PTPRJ: variants seen among roughly 807,000 people sequenced by gnomAD.
PTPRJ encodes protein tyrosine phosphatase receptor type J.
A neutral mutation model predicts 141.3 loss-of-function variants in PTPRJ; 129 were observed. The observed-to-expected ratio is 0.91, with a 90% CI of 0.79 to 1.06. The LOEUF (loss-of-function observed/expected upper bound fraction) is 1.06, where lower values mean the gene tolerates loss of function less well. PTPRJ is among the 50% of genes least tolerant of loss of function. The pLI, the probability that PTPRJ is intolerant of heterozygous loss-of-function variation, is 0.00. For missense variants in PTPRJ, 1,601 were observed against 1,679.7 expected, an observed-to-expected ratio of 0.95 and a Z score of 0.82; for synonymous variants, 610 against 640.5, an observed-to-expected ratio of 0.95 and a Z score of 0.72.
intron 1 of PTPRJ, among the ~76,000 whole-genome samples, chr11:48,071,865 G>T (rs1246955273): frequency 6.8e-6 from 1 of 146,390 alleles, no homozygotes; most frequent in Non-Finnish European, 1.5e-5. Context: ...GCCTCCCAAA[G>T]TGCTGGGATT....
At chr11:48,066,403 A>T (rs1855082904) in intron 1 of PTPRJ, among the ~76,000 whole-genome samples, 1 of 152,052 alleles carries the variant, frequency 6.6e-6, no homozygotes, top group East Asian at 1.9e-4. Flanking sequence ...ATTGCTCTGC[A>T]GGCAGTGGGC....
At chr11:48,075,962 A>G (rs1855388347) in intron 1 of PTPRJ, among the ~76,000 whole-genome samples, 1 of 152,178 alleles carries the variant, frequency 6.6e-6, no homozygotes, top group Non-Finnish European at 1.5e-5. Context: ...TCCCAGCTAA[A>G]GTCCTGGTCA....
Position 48,163,573 on chromosome 11 carries a change from A to ACATGAAGCAGAGTCCTC in PTPRJ, c.3676_3692dup (p.Glu1232Ter). ...AACTTCCGGTACCTCGTTCGTGACT[A>ACATGAAGCAGAGTCCTC]CATGAAGCAGAGTCCTCCCGAATCG... On this transcript the variant is annotated frameshift_variant, in exon 23 of 25. Transcript: ENST00000418331. LOFTEE classifies it high-confidence loss of function. 6.2e-7 allele frequency: 1 copy of ACATGAAGCAGAGTCCTC among 1,614,036 alleles called. No individual in the cohort carries two copies. Among genetic ancestry groups the ACATGAAGCAGAGTCCTC allele is most frequent in the Non-Finnish European group, 8.5e-7 (1 of 1,179,874 alleles).
At chr11:48,028,620 G>A (rs888411485) in intron 1 of PTPRJ, among the ~76,000 whole-genome samples, 5 of 152,104 alleles carry the variant, frequency 3.3e-5, no homozygotes, top group Admixed American at 6.5e-5. Context: ...GTGAAACCCC[G>A]TCTCTACTAA....
chr11:48,061,069 A>G (rs1399893585), intron 1 of PTPRJ, among the ~76,000 whole-genome samples: 3 of 151,982 alleles, frequency 2.0e-5, no homozygotes, highest in Admixed American at 6.6e-5. Flanking sequence ...GGCGCTATCA[A>G]TCGTTCAAGC....
At chr11:48,068,102 T>TGGAGAGGCAACAGGGCTG (rs1855134145) in intron 1 of PTPRJ, among the ~76,000 whole-genome samples, 1 of 152,228 alleles carries the variant, frequency 6.6e-6, no homozygotes, top group Non-Finnish European at 1.5e-5. Flanking sequence ...ATTCCTCATT[T>TGGAGAGGCAACAGGGCTG]GGAGAGGCAA....
chr11:48,120,625 G>A (rs929464816), intron 3 of PTPRJ, among the ~76,000 whole-genome samples: 2 of 151,856 alleles, frequency 1.3e-5, no homozygotes, highest in Admixed American at 6.6e-5. Flanking sequence ...TTTTAGTAGA[G>A]GTGGGGTTTC....
In PTPRJ at chr11:48,139,670, A is replaced by T; in HGVS notation, c.2337A>T (p.Glu779Asp). The change falls in exon 11 of 25, where the codon GAA becomes GAT. Residue 779 changes from glutamate to aspartate, a missense_variant. Transcript: ENST00000418331. ...SSENGTEYRT[E>D]VTYLNFSTSY... ...AGAATGGCACTGAGTATAGAACGGA[A>T]GTCACGTATTTGAATTTTTCTACCT... is the stretch of plus-strand genomic sequence containing the variant. The T allele has an allele frequency of 6.2e-7, 1 of 1,614,202 alleles. No individual in the cohort carries two copies. The highest frequency in any genetic ancestry group is 8.5e-7 in the Non-Finnish European group (1 of 1,180,024).
At chr11:48,066,528 G>A (rs138588647) in intron 1 of PTPRJ, among the ~76,000 whole-genome samples, 165 of 150,842 alleles carry the variant, frequency 1.1e-3, no homozygotes, top group African/African-American at 3.9e-3. Flanking sequence ...CTAGTCAGGG[G>A]CTGGTTTTAT....
intron 2 of PTPRJ, among the ~76,000 whole-genome samples, chr11:48,110,445 C>T (rs1236041834): frequency 6.6e-6 from 1 of 152,168 alleles, no homozygotes; most frequent in Non-Finnish European, 1.5e-5. Flanking sequence ...GTGATCCGCC[C>T]GCCTTGGCCT....
At chr11:48,021,953 G>C (rs2134213131) in intron 1 of PTPRJ, among the ~76,000 whole-genome samples, 2 of 152,290 alleles carry the variant, frequency 1.3e-5, no homozygotes, top group South Asian at 4.2e-4. Flanking sequence ...CATGGGCATG[G>C]AGCCTGGCTG....
At chr11:48,013,772 C>T (rs1434748812) in intron 1 of PTPRJ, among the ~76,000 whole-genome samples, 4 of 152,134 alleles carry the variant, frequency 2.6e-5, no homozygotes, top group East Asian at 1.9e-4. Flanking sequence ...ACCCTGTGGG[C>T]GGCCACCTGG....
At chr11:48,109,737 AGGGAGGTGCTGACCTG>A (rs1856391188) in intron 1 of PTPRJ, among the ~76,000 whole-genome samples, 1 of 136,398 alleles carries the variant, frequency 7.3e-6, no homozygotes, top group African/African-American at 2.7e-5. Context: ...CAGTGGGTGG[AGGGAGGTGCTGACCTG>A]GGGAGTTGCT....
chr11:48,133,119 C>T (rs1160902242), intron 8 of PTPRJ, among the ~76,000 whole-genome samples: 1 of 152,142 alleles, frequency 6.6e-6, no homozygotes, highest in African/African-American at 2.4e-5. Flanking sequence ...AACACAACTT[C>T]ATGGAGCAGG....
chr11:48,007,716 C>T (rs575626374), intron 1 of PTPRJ, among the ~76,000 whole-genome samples: 8 of 152,316 alleles, frequency 5.3e-5, no homozygotes, highest in Non-Finnish European at 1.0e-4. Flanking sequence ...TTCTTCTGTG[C>T]GTTCCTGCTG....
chr11:48,074,269 T>C (rs1334357608), intron 1 of PTPRJ, among the ~76,000 whole-genome samples: 1 of 152,264 alleles, frequency 6.6e-6, no homozygotes, highest in Non-Finnish European at 1.5e-5. Flanking sequence ...TATCTTTACA[T>C]ATTCTGTGTT....
intron 1 of PTPRJ, among the ~76,000 whole-genome samples, chr11:48,106,761 TTC>T (rs1386773547): frequency 4.4e-5 from 6 of 137,058 alleles, no homozygotes; most frequent in Non-Finnish European, 6.2e-5. Flanking sequence ...CTTTCTTTCT[TTC>T]TTTTTTTTTT....
intron 9 of PTPRJ, 33 bp from the exon 10 acceptor site, chr11:48,136,969 CT>C: frequency 6.5e-7 from 1 of 1,533,704 alleles, no homozygotes; most frequent in Non-Finnish European, 9.0e-7. Context: ...TTAATCTGTG[CT>C]TTTACATGAA....
intron 1 of PTPRJ, among the ~76,000 whole-genome samples, chr11:48,039,368 A>G (rs1854214657): frequency 6.6e-6 from 1 of 151,914 alleles, no homozygotes; most frequent in Non-Finnish European, 1.5e-5. Context: ...TGCCTCAAAC[A>G]AAGTCATATA....
Sources: gnomAD v4.1 joint callset for allele counts (sites outside exome capture counted in the v4.1 genomes callset) on GRCh38, gnomAD v4.1.1 for gene constraint, MANE v1.5 for transcripts, NCBI Gene and HGNC (gene_info 2026-07-23, HGNC 2026-07-21) for gene names.